Variants in SCMH1 observed in about 807,000 individuals in gnomAD.
The protein encoded by SCMH1 is Scm polycomb group protein homolog 1, also known as polycomb protein SCMH1.
A neutral mutation model predicts 70.8 loss-of-function variants in SCMH1; 37 were observed. The observed-to-expected ratio is 0.52, with a 90% confidence interval of 0.40 to 0.69. The LOEUF is 0.69. Ranked by LOEUF, SCMH1 falls within the 30% of genes least tolerant of loss-of-function variation. The pLI, the probability that SCMH1 is intolerant of heterozygous loss-of-function variation, is 0.00. For missense variants in SCMH1, 607 were observed against 827.3 expected, an observed-to-expected ratio of 0.73 and a Z score of 3.27; for synonymous variants, 292 against 307.4, an observed-to-expected ratio of 0.95 and a Z score of 0.52.
intron 1 of SCMH1, among the ~76,000 whole-genome samples, chr1:41,229,948 C>T (rs1227057264): frequency 6.6e-6 from 1 of 152,088 alleles, no homozygotes; most frequent in Non-Finnish European, 1.5e-5. Flanking sequence ...GCAGATGAAA[C>T]AGTATGTGCC....
intron 8 of SCMH1, among the ~76,000 whole-genome samples, chr1:41,108,764 G>A (rs1027032171): frequency 1.3e-5 from 2 of 152,146 alleles, no homozygotes; most frequent in Admixed American, 6.5e-5. Flanking sequence ...AATCATGTAG[G>A]AGACAGAGGC....
At chr1:41,110,002 A>G (rs1230683565) in intron 8 of SCMH1, among the ~76,000 whole-genome samples, 1 of 152,210 alleles carries the variant, frequency 6.6e-6, no homozygotes, top group Non-Finnish European at 1.5e-5. Flanking sequence ...AGCCTCAAGT[A>G]ACAAAAATGA....
intron 12 of SCMH1, among the ~76,000 whole-genome samples, chr1:41,040,284 A>G (rs1645952866): frequency 6.6e-6 from 1 of 152,210 alleles, no homozygotes; most frequent in South Asian, 2.1e-4. Context: ...GCCCTTATGC[A>G]TGTATTTTCA....
intron 2 of SCMH1, among the ~76,000 whole-genome samples, chr1:41,181,108 T>C (rs1648624231): frequency 6.6e-6 from 1 of 152,234 alleles, no homozygotes; most frequent in Non-Finnish European, 1.5e-5. Context: ...AACGATTCCC[T>C]ATTTAATAAA....
At chr1:41,213,218 A>G (rs1657413332) in intron 1 of SCMH1, among the ~76,000 whole-genome samples, 2 of 152,234 alleles carry the variant, frequency 1.3e-5, no homozygotes, top group Non-Finnish European at 2.9e-5. Context: ...AGTCCCAAAG[A>G]ATCAATAGAG....
At chr1:41,195,634 T>C (rs1323107242) in intron 1 of SCMH1, among the ~76,000 whole-genome samples, 3 of 152,180 alleles carry the variant, frequency 2.0e-5, no homozygotes, top group African/African-American at 7.2e-5. Context: ...GACTGAAAGC[T>C]TTTCCCCTAA....
chr1:41,135,946 C>CTT lies in SCMH1; in HGVS notation c.412+6930_412+6931dup, dbSNP rs904347707. 6.6e-3 allele frequency among the ~76,000 whole-genome samples: 917 copies of CTT among 139,928 alleles called. 7 individuals are homozygous for CTT. The highest frequency in any genetic ancestry group is 0.011 in the Non-Finnish European group (710 of 63,906). 91.8% of individuals were successfully genotyped at this position (139,928 alleles called of 152,430 possible). Reference sequence around the variant, plus strand: ...TTCCTTGAAAACTTTTGTATATTTTCTTTTTTTTTTTTTTTGAGACAGGAT... The same window carrying CTT: ...TTCCTTGAAAACTTTTGTATATTTTCTTTTTTTTTTTTTTTTTGAGACAGGAT... On this transcript the variant is annotated intron_variant, in intron 6 of 14. Transcript: ENST00000337495.
At chr1:41,102,138 T>C (rs781486059) in intron 8 of SCMH1, among the ~76,000 whole-genome samples, 1 of 152,126 alleles carries the variant, frequency 6.6e-6, no homozygotes, top group Non-Finnish European at 1.5e-5. Context: ...AATAAATTAA[T>C]AAAATGTAAA....
intron 10 of SCMH1, among the ~76,000 whole-genome samples, chr1:41,053,874 T>G (rs985577172): frequency 3.3e-5 from 5 of 152,016 alleles, no homozygotes; most frequent in African/African-American, 4.8e-5. Flanking sequence ...AGACAGAGTC[T>G]TGCTCTGTCG....
At chr1:41,192,525 C>CACACACACACACACA (rs1553171751) in intron 1 of SCMH1, among the ~76,000 whole-genome samples, 3 of 149,776 alleles carry the variant, frequency 2.0e-5, no homozygotes, top group Non-Finnish European at 4.5e-5. Flanking sequence ...CACACACACA[C>CACACACACACACACA]CACTTAGAAC....
intron 1 of SCMH1, among the ~76,000 whole-genome samples, chr1:41,235,996 C>T (rs1228337149): frequency 6.6e-6 from 1 of 152,134 alleles, no homozygotes; most frequent in Non-Finnish European, 1.5e-5. Context: ...CTTTTACTGA[C>T]AGGCATTTAG....
intron 8 of SCMH1, among the ~76,000 whole-genome samples, chr1:41,093,727 T>C (rs1466171756): frequency 6.6e-6 from 1 of 152,224 alleles, no homozygotes; most frequent in Non-Finnish European, 1.5e-5. Context: ...GCATATTTTA[T>C]TATTCAGTAT....
intron 8 of SCMH1, among the ~76,000 whole-genome samples, chr1:41,111,892 G>A (rs1669329575): frequency 6.6e-6 from 1 of 152,090 alleles, no homozygotes; most frequent in Non-Finnish European, 1.5e-5. Context: ...GAACTTTTGT[G>A]AATGATAAAT....
intron 6 of SCMH1, among the ~76,000 whole-genome samples, chr1:41,127,404 T>TC (rs1208210693): frequency 6.6e-6 from 1 of 152,168 alleles, no homozygotes; most frequent in African/African-American, 2.4e-5. Context: ...AAAAAGGCTT[T>TC]CCCCACCCCA....
rs142975864 is a variant in SCMH1, at chr1:41,108,286, T to C, written c.745+4997A>G. Among the ~76,000 whole-genome samples, 711 of 152,294 alleles carry C rather than the reference T, an allele frequency of 4.7e-3. 9 individuals are homozygous for C. The highest frequency in any genetic ancestry group is 0.016 in the African/African-American group (678 of 41,578). On this transcript the variant is annotated intron_variant, in intron 8 of 14. Transcript: ENST00000337495. ...AATATATTAATTTATAATAAAAATA[T>C]AAAGTAGCTTGGGTCTCATGTTGTC...
chr1:41,119,553 T>G (rs539342571), intron 6 of SCMH1, among the ~76,000 whole-genome samples: 4 of 152,120 alleles, frequency 2.6e-5, no homozygotes, highest in Admixed American at 2.6e-4. Flanking sequence ...CAATGCTGTT[T>G]AAGAGCATCA....
chr1:41,103,816 T>C (rs2300648), intron 8 of SCMH1, among the ~76,000 whole-genome samples: 11,887 of 152,188 alleles, frequency 0.078, 602 homozygotes, highest in South Asian at 0.13. Context: ...GGAAGAGAGA[T>C]ATGGAATGGG....
intron 1 of SCMH1, among the ~76,000 whole-genome samples, chr1:41,241,578 T>C (rs1573361264): frequency 6.6e-6 from 1 of 151,844 alleles, no homozygotes; most frequent in East Asian, 1.9e-4. Context: ...ATCACAGGCA[T>C]TCCCACCTCT....
At chr1:41,087,944 G>GTGTGTGTGTGTGTA (rs1317984588) in intron 8 of SCMH1, among the ~76,000 whole-genome samples, 1 of 150,946 alleles carries the variant, frequency 6.6e-6, no homozygotes, top group African/African-American at 2.4e-5. Flanking sequence ...TCTGGTGTGT[G>GTGTGTGTGTGTGTA]TGTGTGTGTG....
Sources: allele counts gnomAD v4.1 joint callset (sites outside exome capture counted in the v4.1 genomes callset), GRCh38; gene constraint gnomAD v4.1.1; transcripts MANE v1.5; gene names NCBI Gene and HGNC (gene_info 2026-07-23, HGNC 2026-07-21).